The following ATP2B2 variants were observed in gnomAD, a reference collection of about 807,000 sequenced individuals.
The protein encoded by ATP2B2 is ATPase plasma membrane Ca2+ transporting 2.
A neutral mutation model predicts 120.0 loss-of-function variants in ATP2B2; 15 were observed. The observed-to-expected ratio is 0.12, with a 90% CI of 0.08 to 0.19. The LOEUF (loss-of-function observed/expected upper bound fraction) is 0.19. Among genes scored for constraint, ATP2B2 ranks in the 10% least tolerant of loss-of-function variants. The pLI, the probability that ATP2B2 is intolerant of heterozygous loss-of-function variation, is 1.00. For missense variants in ATP2B2, 1,045 were observed against 1,719.8 expected, an observed-to-expected ratio of 0.61 and a Z score of 6.94; for synonymous variants, 694 against 700.3, an observed-to-expected ratio of 0.99 and a Z score of 0.14.
intron 1 of ATP2B2, among the ~76,000 whole-genome samples, chr3:10,624,145 T>G (rs542883783): frequency 2.0e-5 from 3 of 152,320 alleles, no homozygotes; most frequent in African/African-American, 4.8e-5. Flanking sequence ...TTTGACCCAG[T>G]ATTTCCCATA....
chr3:10,540,579 C>T (rs536572782), intron 2 of ATP2B2, among the ~76,000 whole-genome samples: 131 of 151,978 alleles, frequency 8.6e-4, no homozygotes, highest in Non-Finnish European at 1.4e-3. Flanking sequence ...GGGACATGGA[C>T]GAAGCTGGAA....
At chr3:10,661,855 C>T (rs1339691786) in intron 1 of ATP2B2, among the ~76,000 whole-genome samples, 1 of 152,196 alleles carries the variant, frequency 6.6e-6, no homozygotes, top group Admixed American at 6.5e-5. Context: ...AACTATACTA[C>T]AAGGCTACAG....
intron 5 of ATP2B2, among the ~76,000 whole-genome samples, chr3:10,394,793 C>T (rs1393515990): frequency 6.6e-6 from 1 of 151,842 alleles, no homozygotes; most frequent in Non-Finnish European, 1.5e-5. Flanking sequence ...GTGTCGGGGT[C>T]TCGCGGGGGT....
At chr3:10,542,647 A>G (rs1398100588) in intron 2 of ATP2B2, among the ~76,000 whole-genome samples, 1 of 152,214 alleles carries the variant, frequency 6.6e-6, no homozygotes, top group Non-Finnish European at 1.5e-5. Context: ...TTCTTTCAGC[A>G]TTTGAGAAAG....
chr3:10,388,473 GTGGTCTCAGTC>G, intron 5 of ATP2B2, 71 bp from the exon 6 acceptor site: 1 of 1,611,114 alleles, frequency 6.2e-7, no homozygotes, highest in South Asian at 1.1e-5. Flanking sequence ...GTGAAAAAAT[GTGGTCTCAGTC>G]AGCTCCTGGC....
chr3:10,363,208 G>A (rs1373726007), intron 12 of ATP2B2, among the ~76,000 whole-genome samples: 3 of 152,100 alleles, frequency 2.0e-5, no homozygotes, highest in Admixed American at 1.3e-4. Context: ...AATTGCCTAC[G>A]TGCATTACTA....
At chr3:10,516,078 G>T (rs746427310) in intron 3 of ATP2B2, among the ~76,000 whole-genome samples, 1 of 152,216 alleles carries the variant, frequency 6.6e-6, no homozygotes, top group Admixed American at 6.5e-5. Context: ...GCAAGCACTG[G>T]AAAGCAGGAC....
At chr3:10,471,159 C>T (rs564877195) in intron 1 of ATP2B2, among the ~76,000 whole-genome samples, 9 of 152,326 alleles carry the variant, frequency 5.9e-5, no homozygotes, top group East Asian at 5.8e-4. Flanking sequence ...GCAGGGAACC[C>T]GCTCAGAAGC....
At chr3:10,689,234 G>C (rs1339165887) in intron 1 of ATP2B2, among the ~76,000 whole-genome samples, 2 of 152,154 alleles carry the variant, frequency 1.3e-5, no homozygotes, top group Non-Finnish European at 2.9e-5. Flanking sequence ...TTTTAGAGTA[G>C]TCTGGAGCTT....
intron 5 of ATP2B2, chr3:10,394,397 T>C (rs553636839): frequency 1.1e-5 from 5 of 468,556 alleles, no homozygotes; most frequent in African/African-American, 2.0e-5. Context: ...GCAAGTTCAA[T>C]CCCCAGCCCC....
chr3:10,372,810 GC>G (rs2061281142), intron 11 of ATP2B2, among the ~76,000 whole-genome samples: 2 of 151,794 alleles, frequency 1.3e-5, no homozygotes, highest in Non-Finnish European at 2.9e-5. Context: ...TTTCTCTCTG[GC>G]CCAACTCCAC....
intron 12 of ATP2B2, among the ~76,000 whole-genome samples, chr3:10,365,496 G>A (rs927476300): frequency 2.6e-5 from 4 of 152,272 alleles, no homozygotes; most frequent in East Asian, 3.9e-4. Context: ...AGGTGGGTGC[G>A]GGTGTCCGGG....
chr3:10,349,840 G>A (rs2060527831), intron 16 of ATP2B2, among the ~76,000 whole-genome samples: 1 of 152,162 alleles, frequency 6.6e-6, no homozygotes, highest in Non-Finnish European at 1.5e-5. Context: ...ATTCAGCGCT[G>A]AGCCAGGAGT....
intron 1 of ATP2B2, among the ~76,000 whole-genome samples, chr3:10,466,263 C>A (rs1419872214): frequency 6.6e-6 from 1 of 152,202 alleles, no homozygotes. Flanking sequence ...ACTATCAGTG[C>A]AGCACAGAAT....
intron 12 of ATP2B2, among the ~76,000 whole-genome samples, chr3:10,370,497 T>A (rs1338493492): frequency 6.6e-6 from 1 of 152,230 alleles, no homozygotes; most frequent in Non-Finnish European, 1.5e-5. Flanking sequence ...TCTATCACTG[T>A]CTGCATGGGT....
chr3:10,417,644 A>G (rs926903003), intron 2 of ATP2B2, among the ~76,000 whole-genome samples: 1 of 152,168 alleles, frequency 6.6e-6, no homozygotes, highest in Non-Finnish European at 1.5e-5. Flanking sequence ...CATTCAATCA[A>G]TCACCGAATT....
chr3:10,680,548 A>G (rs528963220), intron 1 of ATP2B2, among the ~76,000 whole-genome samples: 10 of 152,134 alleles, frequency 6.6e-5, no homozygotes, highest in Admixed American at 2.6e-4. Flanking sequence ...ATGCCTTGGC[A>G]TCTTCATCCA....
At chr3:10,653,406 C>G (rs191598230) in intron 1 of ATP2B2, among the ~76,000 whole-genome samples, 18 of 152,256 alleles carry the variant, frequency 1.2e-4, no homozygotes, top group African/African-American at 4.3e-4. Flanking sequence ...CTCAACCACA[C>G]CTGATGGAGA....
chr3:10,656,396 G>T (rs2070628905), intron 1 of ATP2B2, among the ~76,000 whole-genome samples: 1 of 152,206 alleles, frequency 6.6e-6, no homozygotes, highest in Non-Finnish European at 1.5e-5. Flanking sequence ...TGCAGATGTT[G>T]TATCTTTCCT....
Sources: allele counts gnomAD v4.1 joint callset (sites outside exome capture counted in the v4.1 genomes callset), GRCh38; gene constraint gnomAD v4.1.1; transcripts MANE v1.5; gene names NCBI Gene and HGNC (gene_info 2026-07-23, HGNC 2026-07-21).